The following RUNX1T1 variants were observed in gnomAD, a reference collection of about 807,000 sequenced individuals.
The protein encoded by RUNX1T1 is protein CBFA2T1.
In RUNX1T1, 4 loss-of-function variants were observed where a neutral mutation model predicts 62.8. The observed-to-expected ratio is 0.06, with a 90% CI of 0.03 to 0.15. The LOEUF (loss-of-function observed/expected upper bound fraction) is 0.15. RUNX1T1 is among the 10% of genes least tolerant of loss of function. The pLI, the probability that RUNX1T1 is intolerant of heterozygous loss-of-function variation, is 1.00. For synonymous variants in RUNX1T1, 291 were observed against 286.0 expected (o/e 1.02, Z -0.18); for missense variants, 508 against 754.3 (o/e 0.67, Z 3.82).
intron 1 of RUNX1T1, among the ~76,000 whole-genome samples, chr8:92,029,795 A>G (rs1237475323): frequency 6.6e-6 from 1 of 152,168 alleles, no homozygotes; most frequent in Non-Finnish European, 1.5e-5. Context: ...TTGTAAAACC[A>G]AATGTTTCAC....
At chr8:92,025,638 G>A (rs546639139) in intron 1 of RUNX1T1, among the ~76,000 whole-genome samples, 8 of 152,284 alleles carry the variant, frequency 5.3e-5, no homozygotes, top group African/African-American at 2.4e-5. Flanking sequence ...CCCTCCTGCA[G>A]CACTGATCAC....
chr8:92,028,874 AC>A (rs1296207723), intron 1 of RUNX1T1, among the ~76,000 whole-genome samples: 1 of 152,230 alleles, frequency 6.6e-6, no homozygotes, highest in South Asian at 2.1e-4. Context: ...GTAAAAAAAA[AC>A]AAACAAAAAA....
chr8:92,079,186 A>G (rs1246231268), intron 1 of RUNX1T1, among the ~76,000 whole-genome samples: 1 of 152,218 alleles, frequency 6.6e-6, no homozygotes, highest in Non-Finnish European at 1.5e-5. Flanking sequence ...CTTTTTATCT[A>G]TCAACCTGGG....
intron 2 of RUNX1T1, among the ~76,000 whole-genome samples, chr8:92,070,794 A>G (rs1833556484): frequency 1.3e-5 from 2 of 152,240 alleles, no homozygotes; most frequent in African/African-American, 4.8e-5. Context: ...TGGGAGGCAC[A>G]TATGTGCATC....
chr8:91,981,050 C>T (rs1815125764), intron 8 of RUNX1T1, among the ~76,000 whole-genome samples: 1 of 152,124 alleles, frequency 6.6e-6, no homozygotes, highest in African/African-American at 2.4e-5. Flanking sequence ...GGCACTGTCT[C>T]ATATGTTTTT....
chr8:91,970,662 C>T (rs773639477), exon 10 of RUNX1T1: 1 of 1,600,956 alleles, frequency 6.2e-7, no homozygotes, highest in Non-Finnish European at 8.5e-7. Flanking sequence ...CCTCACCTCG[C>T]TTGAATCCTC....
rs370683858 is a variant in RUNX1T1, at chr8:92,071,982, C to T, written c.88+3983G>A. 3.0e-4 allele frequency among the ~76,000 whole-genome samples: 46 copies of T among 152,292 alleles called. No individual in the cohort carries two copies. In the East Asian group the frequency reaches 7.9e-3, roughly 26 times the overall value. On this transcript the variant is annotated intron_variant, in intron 2 of 11. Transcript: ENST00000265814. ...GTCTGATTTTATTTGTCATAAAAAT[C>T]TCTATGCTATTCCCAGTCATTACCC...
At chr8:92,003,860 G>T (rs1308252319) in intron 5 of RUNX1T1, among the ~76,000 whole-genome samples, 1 of 152,122 alleles carries the variant, frequency 6.6e-6, no homozygotes, top group Non-Finnish European at 1.5e-5. Flanking sequence ...TAAGAAAGTA[G>T]CTCTGTTTGT....
At chr8:92,094,955 T>C in intron 1 of RUNX1T1, 2 of 1,084,120 alleles carry the variant, frequency 1.8e-6, no homozygotes, top group South Asian at 2.7e-5. Flanking sequence ...TCCCCCTTTA[T>C]CGAGTCTCTT....
At chr8:91,999,534 A>G (rs1819364034) in intron 5 of RUNX1T1, among the ~76,000 whole-genome samples, 1 of 152,220 alleles carries the variant, frequency 6.6e-6, no homozygotes, top group African/African-American at 2.4e-5. Context: ...CTGATGATAC[A>G]GAATCACGGC....
chr8:91,974,046 A>G (rs911032703), intron 9 of RUNX1T1, among the ~76,000 whole-genome samples: 3 of 152,076 alleles, frequency 2.0e-5, no homozygotes, highest in African/African-American at 7.2e-5. Flanking sequence ...GGGCAAGCAC[A>G]CAACAAAAAC....
chr8:92,093,012 G>C (rs1375429933), intron 1 of RUNX1T1, among the ~76,000 whole-genome samples: 1 of 152,028 alleles, frequency 6.6e-6, no homozygotes, highest in African/African-American at 2.4e-5. Context: ...TTCAAATCCC[G>C]CACAAATTGA....
At chr8:92,102,287 G>T (rs184686999), upstream of RUNX1T1, among the ~76,000 whole-genome samples, 25 of 152,284 alleles carry the variant, frequency 1.6e-4, no homozygotes, top group East Asian at 4.9e-3. The surrounding 1 kb of genome is among the most constrained non-coding windows in gnomAD (Gnocchi z 4.5). Flanking sequence ...GGCGCAGAGC[G>T]CCTGGGTACC....
At chr8:92,102,423 G>T (rs1048228892), upstream of RUNX1T1, among the ~76,000 whole-genome samples, 2 of 100,446 alleles carry the variant, frequency 2.0e-5, no homozygotes, top group Non-Finnish European at 4.3e-5. The surrounding 1 kb of genome is among the most constrained non-coding windows in gnomAD (Gnocchi z 4.5). Flanking sequence ...AAAAAGAAAA[G>T]AAAAAAAAAA....
At chr8:91,991,546 A>G in intron 6 of RUNX1T1, 93 bp downstream of exon 7, 2 of 1,330,802 alleles carry the variant, frequency 1.5e-6, no homozygotes, top group East Asian at 4.6e-5. Flanking sequence ...CATCCCTATC[A>G]CAGATTTCAA....
intron 10 of RUNX1T1, among the ~76,000 whole-genome samples, chr8:91,967,323 G>A (rs1811853531): frequency 6.6e-6 from 1 of 152,114 alleles, no homozygotes; most frequent in South Asian, 2.1e-4. Flanking sequence ...AGCAAGAGCA[G>A]TCTTTCTTAC....
chr8:92,005,399 C>T, intron 4 of RUNX1T1, 102 bp from the exon 6 acceptor site: 1 of 1,023,256 alleles, frequency 9.8e-7, no homozygotes, highest in South Asian at 1.6e-5. Flanking sequence ...TGCAATGCAG[C>T]TACATCAAAG....
At chr8:91,955,136 C>G (rs1809164216), downstream of RUNX1T1, 1 of 215,232 alleles carries the variant, frequency 4.6e-6, no homozygotes, top group Admixed American at 5.8e-5. Flanking sequence ...ACATCATCAA[C>G]ACTTCTAAAA....
At chr8:92,000,805 T>C (rs1331782262) in intron 5 of RUNX1T1, among the ~76,000 whole-genome samples, 1 of 152,208 alleles carries the variant, frequency 6.6e-6, no homozygotes, top group Non-Finnish European at 1.5e-5. Flanking sequence ...CAGAATGTTA[T>C]ACTATGGCAT....
Sources: gnomAD v4.1 joint callset for allele counts (sites outside exome capture counted in the v4.1 genomes callset) on GRCh38, gnomAD v4.1.1 for gene constraint, Gnocchi (gnomAD v3.1) non-coding constraint, MANE v1.5 for transcripts, NCBI Gene and HGNC (gene_info 2026-07-23, HGNC 2026-07-21) for gene names.